NFIA: variants seen among roughly 807,000 people sequenced by gnomAD.
The protein encoded by NFIA is nuclear factor I A.
In NFIA, 8 loss-of-function variants were observed where a neutral mutation model predicts 62.8. The ratio of observed to expected loss-of-function variants is 0.13; its 90% confidence interval spans 0.07 to 0.23. NFIA has a LOEUF of 0.23. Ranked by LOEUF, NFIA falls within the 10% of genes least tolerant of loss-of-function variation. The pLI is 1.00. For synonymous variants in NFIA, 235 were observed against 238.1 expected (o/e 0.99, Z 0.12); for missense variants, 410 against 642.1 (o/e 0.64, Z 3.91).
intron 2 of NFIA, among the ~76,000 whole-genome samples, chr1:61,192,573 G>A (rs1651712257): frequency 6.6e-6 from 1 of 151,848 alleles, no homozygotes; most frequent in African/African-American, 2.4e-5. Context: ...CGTGGTGGTG[G>A]GCGCCTGTAA....
chr1:61,368,075 A>G (rs1289652808), intron 6 of NFIA, among the ~76,000 whole-genome samples: 1 of 152,226 alleles, frequency 6.6e-6, no homozygotes, highest in African/African-American at 2.4e-5. Context: ...CAATTTTGTG[A>G]ATGCAGAAGC....
At chr1:61,429,233 T>C (rs768950882) in intron 10 of NFIA, among the ~76,000 whole-genome samples, 21 of 152,220 alleles carry the variant, frequency 1.4e-4, no homozygotes, top group Admixed American at 7.2e-4. Flanking sequence ...ATTTTCTATG[T>C]ACTAAATCCA....
At chr1:61,276,970 G>A (rs926155654) in intron 2 of NFIA, among the ~76,000 whole-genome samples, 2 of 152,154 alleles carry the variant, frequency 1.3e-5, no homozygotes, top group Non-Finnish European at 2.9e-5. Context: ...TTTGAGTTAT[G>A]CAGTTATTTC....
chr1:61,330,149 CTA>C, intron 3 of NFIA, among the ~76,000 whole-genome samples: 1 of 152,164 alleles, frequency 6.6e-6, no homozygotes, highest in East Asian at 1.9e-4. Flanking sequence ...CATGTTGGTT[CTA>C]AGAATACCTG....
chr1:61,446,550 C>A (rs1419938388), intron 10 of NFIA, among the ~76,000 whole-genome samples: 1 of 152,118 alleles, frequency 6.6e-6, no homozygotes, highest in Non-Finnish European at 1.5e-5. Context: ...AACGAGCAGA[C>A]CTGTGCCAGG....
chr1:61,289,957 A>T (rs1279630476), intron 3 of NFIA, among the ~76,000 whole-genome samples: 1 of 149,594 alleles, frequency 6.7e-6, no homozygotes, highest in South Asian at 2.1e-4. Flanking sequence ...TCTCTCATCC[A>T]CCTCATTGCC....
chr1:61,263,650 C>T lies in NFIA; in HGVS notation c.560-13870C>T, dbSNP rs1052837239. On this transcript the variant is annotated intron_variant, in intron 2 of 10. Coordinates refer to ENST00000403491, the MANE Select transcript of NFIA (RefSeq NM_001134673.4). Reference sequence around the variant, plus strand: ...TGGCAAGGGTTCTAACACAGAGACACTCCATGTTCTCACCACCAGTGAAGA... The same window carrying T: ...TGGCAAGGGTTCTAACACAGAGACATTCCATGTTCTCACCACCAGTGAAGA... 5.9e-5 allele frequency among the ~76,000 whole-genome samples: 9 copies of T among 152,176 alleles called. No individual in the cohort carries two copies. The South Asian group carries it at 8.3e-4, about 14-fold the overall frequency.
intron 7 of NFIA, among the ~76,000 whole-genome samples, chr1:61,399,929 T>C (rs1357021192): frequency 6.6e-6 from 1 of 152,252 alleles, no homozygotes; most frequent in Non-Finnish European, 1.5e-5. Flanking sequence ...TTCTCCTTTC[T>C]CAGTCTTAAT....
chr1:61,268,086 A>AG (rs1166371192), intron 2 of NFIA, among the ~76,000 whole-genome samples: 2 of 152,222 alleles, frequency 1.3e-5, no homozygotes, highest in Non-Finnish European at 2.9e-5. Flanking sequence ...CTCTAGTTAT[A>AG]GCTTTCCTCA....
At chr1:61,141,430 C>T (rs1647527079) in intron 2 of NFIA, among the ~76,000 whole-genome samples, 1 of 152,076 alleles carries the variant, frequency 6.6e-6, no homozygotes, top group Admixed American at 6.6e-5. Flanking sequence ...GAAAAAAAAC[C>T]ATGTCTTTTA....
intron 7 of NFIA, among the ~76,000 whole-genome samples, chr1:61,393,913 T>C (rs1235594501): frequency 6.6e-6 from 1 of 152,354 alleles, no homozygotes; most frequent in Non-Finnish European, 1.5e-5. Flanking sequence ...CCAGGGTCAC[T>C]TGAAAACAGT....
intron 9 of NFIA, among the ~76,000 whole-genome samples, chr1:61,407,749 G>A (rs1259684053): frequency 2.6e-5 from 4 of 152,188 alleles, no homozygotes; most frequent in African/African-American, 9.7e-5. Flanking sequence ...AGGAAAGGAT[G>A]TAAGAGCAGC....
At chr1:61,422,747 A>T (rs1167196080) in intron 9 of NFIA, among the ~76,000 whole-genome samples, 4 of 25,242 alleles carry the variant, frequency 1.6e-4, no homozygotes, top group African/African-American at 1.4e-3. Flanking sequence ...GTCTCTATTT[A>T]AAAAAAAAAA....
chr1:61,114,128 A>G (rs1646756311), intron 2 of NFIA, among the ~76,000 whole-genome samples: 1 of 152,194 alleles, frequency 6.6e-6, no homozygotes, highest in Non-Finnish European at 1.5e-5. Context: ...CAAAATGGCA[A>G]GAGCACTTTT....
intron 10 of NFIA, among the ~76,000 whole-genome samples, chr1:61,454,541 A>T (rs902862465): frequency 6.6e-6 from 1 of 152,232 alleles, no homozygotes; most frequent in Non-Finnish European, 1.5e-5. Context: ...TTTCCTTTGG[A>T]CAATGTGGTA....
At chr1:61,423,405 C>T (rs1666722966) in intron 9 of NFIA, among the ~76,000 whole-genome samples, 1 of 152,120 alleles carries the variant, frequency 6.6e-6, no homozygotes, top group African/African-American at 2.4e-5. Flanking sequence ...ACTTCTGAAC[C>T]TCCCCTCCAG....
intron 2 of NFIA, among the ~76,000 whole-genome samples, chr1:61,239,037 T>C (rs1655173521): frequency 1.3e-5 from 2 of 152,210 alleles, no homozygotes; most frequent in Admixed American, 1.3e-4. Flanking sequence ...AAATGAAATA[T>C]TTTCATTAAT....
chr1:61,160,207 T>G (rs1327580500), intron 2 of NFIA, among the ~76,000 whole-genome samples: 1 of 152,176 alleles, frequency 6.6e-6, no homozygotes, highest in East Asian at 1.9e-4. Context: ...TTGCGTCATC[T>G]TTAAAATAAG....
At chr1:61,298,582 A>C (rs947685523) in intron 3 of NFIA, among the ~76,000 whole-genome samples, 6 of 152,128 alleles carry the variant, frequency 3.9e-5, no homozygotes, top group Non-Finnish European at 5.9e-5. Flanking sequence ...GGAACCCAGA[A>C]AACAGGCTTC....
Sources: allele counts gnomAD v4.1 joint callset (sites outside exome capture counted in the v4.1 genomes callset), GRCh38; gene constraint gnomAD v4.1.1; transcripts MANE v1.5; gene names NCBI Gene and HGNC (gene_info 2026-07-23, HGNC 2026-07-21).